Variants in SDF4 observed in about 807,000 individuals in gnomAD.
SDF4 encodes the protein 45 kDa calcium-binding protein.
In SDF4, 22 loss-of-function variants were observed where a neutral mutation model predicts 34.2. The ratio of observed to expected loss-of-function variants is 0.64; its 90% CI spans 0.46 to 0.92. SDF4 has a LOEUF of 0.92. Ranked by LOEUF, SDF4 falls within the 40% of genes least tolerant of loss-of-function variation. The probability of loss-of-function intolerance (pLI) is 0.00; values close to 1 mark genes in which losing one functional copy is unlikely to be tolerated. For synonymous variants in SDF4, 236 were observed against 203.1 expected (o/e 1.16, Z -1.38); for missense variants, 447 against 499.9 (o/e 0.89, Z 1.01).
In SDF4 at chr1:1,218,818, G is replaced by C. The variant is rs747176962; in HGVS notation, c.666C>G (p.His222Gln). The C allele has an allele frequency of 6.2e-7, 1 of 1,605,828 alleles. No individual in the cohort carries two copies. The highest frequency in any genetic ancestry group is 8.5e-7 in the Non-Finnish European group (1 of 1,174,266). The change falls in exon 5 of 7, where the codon CAC (histidine) becomes CAG (glutamine). Residue 222 changes from histidine to glutamine, a missense_variant. Physicochemically the swap from His to Gln is conservative, Grantham distance 24 (BLOSUM62 0). Coordinates refer to ENST00000360001, the MANE Select transcript of SDF4 (RefSeq NM_016176.6). The surrounding 1 kb of genome is among the most constrained non-coding windows in gnomAD (Gnocchi z 7.9). ...CCATGAACCTGAGCATTCCCCGGCT[G>C]TGCTCGGGGTGGAGGAACGACAGGA... ...EEFLSFLHPE[H>Q]SRGMLRFMVK... is the part of the protein sequence containing the mutation.
intron 2 of SDF4, among the ~76,000 whole-genome samples, chr1:1,227,955 C>A (rs1370251940): frequency 2.0e-5 from 3 of 152,204 alleles, no homozygotes; most frequent in South Asian, 2.1e-4. Context: ...CAACCCCACA[C>A]ACCCCCAGCC....
intron 2 of SDF4, among the ~76,000 whole-genome samples, chr1:1,226,658 C>T (rs985539889): frequency 3.3e-5 from 5 of 152,164 alleles, no homozygotes; most frequent in South Asian, 2.1e-4. Flanking sequence ...CGGCCGCTGT[C>T]GCCGCTCGGC....
chr1:1,219,692 A>G, intron 4 of SDF4: 1 of 986,132 alleles, frequency 1.0e-6, no homozygotes, highest in Non-Finnish European at 1.2e-6. Flanking sequence ...GTCCCCACAC[A>G]TCCCAAGGAC....
At chr1:1,222,423 C>T (rs994275603) in intron 4 of SDF4, among the ~76,000 whole-genome samples, 24 of 152,178 alleles carry the variant, frequency 1.6e-4, no homozygotes, top group Admixed American at 9.2e-4. Flanking sequence ...AGCTTGGACC[C>T]GCCCAGGGCT....
rs758805867 is a variant in SDF4 at position 1,217,593 on chromosome 1, G to A, written c.987C>T (p.Pro329=). 114 of 1,613,536 alleles carry A rather than the reference G, an allele frequency of 7.1e-5. No individual in the cohort carries two copies. Among genetic ancestry groups the A allele is most frequent in the South Asian group, 1.5e-4 (14 of 91,088 alleles). Residue 329 remains proline, a synonymous_variant, in exon 7 of 7, where the codon CCC becomes CCT. Transcript: ENST00000360001. The surrounding 1 kb of genome is among the most constrained non-coding windows in gnomAD (Gnocchi z 8.5). ...ACTCGCTGTACTTGAGCACCTCCTC[G>A]GGCTCCAGGTGGTGGTTCTGGTTCT... is the stretch of plus-strand genomic sequence containing the variant. ...ADENQNHHLE[P]EEVLKYSEFF...
In SDF4 at chr1:1,217,482, T is replaced by TGGGGGGCGGCGC. The variant is rs1553149025; in HGVS notation, c.*18_*29dup. On this transcript the variant is annotated 3_prime_UTR_variant, in exon 7 of 7. Coordinates refer to ENST00000360001, the MANE Select transcript of SDF4 (RefSeq NM_016176.6). The surrounding 1 kb of genome is among the most constrained non-coding windows in gnomAD (Gnocchi z 8.5). ...CCCGCGAGGCCGCCCCGGTGGTGCG[T>TGGGGGGCGGCGC]GGGGGGCGGCGCGGGGCGCGGCCGG... The TGGGGGGCGGCGC allele has an allele frequency of 9.5e-6, 14 of 1,471,306 alleles. No homozygotes were observed. The highest frequency in any genetic ancestry group is 3.6e-6 in the Non-Finnish European group (4 of 1,108,514). The allele number at this position is 1,471,306 out of a possible 1,614,324, so 91.1% of individuals were successfully genotyped here. A position where few individuals can be genotyped will look rare whatever the true frequency, so the allele number is the denominator to read the frequency against.
At position 1,220,340 on chromosome 1, in the gene SDF4, C is replaced by T. The variant is rs957322300; in HGVS notation, c.557-1413G>A. The T allele has an allele frequency of 2.1e-5, 23 of 1,105,194 alleles. No individual in the cohort carries two copies. The East Asian group carries it at 4.4e-4, about 21-fold the overall frequency. The allele number at this position is 1,105,194 out of a possible 1,614,324, so 68.5% of individuals were successfully genotyped here. ...GGAAGGGAGTGATGCCCGCCTGCCA[C>T]GCCTTCACCGCGGTCCCCAGAATCA... On this transcript the variant is annotated intron_variant, in intron 4 of 6. Transcript: ENST00000360001.
chr1:1,218,803 G>A lies in SDF4; in HGVS notation c.681C>T (p.Leu227=). ...FLHPEHSRGM[L]RFMVKEIVRD... ...GGACGATCTCCTTCACCATGAACCT[G>A]AGCATTCCCCGGCTGTGCTCGGGGT... The change falls in exon 5 of 7, where the codon CTC becomes CTT. Residue 227 remains leucine (L), a synonymous_variant. Transcript: ENST00000360001. This position sits in a 1 kb window ranked among gnomAD's most constrained non-coding sequence, Gnocchi z 7.9. 6.2e-7 allele frequency: 1 copy of A among 1,610,292 alleles called. No homozygotes were observed. Among genetic ancestry groups the A allele is most frequent in the South Asian group, 1.1e-5 (1 of 90,952 alleles).
chr1:1,229,185 G>A (rs1021168808), intron 1 of SDF4, among the ~76,000 whole-genome samples: 2 of 152,110 alleles, frequency 1.3e-5, no homozygotes, highest in South Asian at 4.1e-4. Flanking sequence ...CGGACCACAC[G>A]TGGTGTTTTT....
intron 1 of SDF4, among the ~76,000 whole-genome samples, chr1:1,229,265 C>T (rs944595223): frequency 2.6e-5 from 4 of 152,210 alleles, no homozygotes; most frequent in African/African-American, 7.2e-5. Flanking sequence ...CACAGCTCAC[C>T]GTGACCACGA....
rs534354895 is a variant in SDF4 at position 1,219,884 on chromosome 1, G to A, written c.557-957C>T. On this transcript the variant is annotated intron_variant, in intron 4 of 6. Transcript: ENST00000360001. ...GCAGCCTCTGCGTCGCGCTCACTGC[G>A]GGATGAGGCCCAGCTGCCGTCCCAT... 227 of 985,702 alleles carry A rather than the reference G, an allele frequency of 2.3e-4. 1 individual carries two copies. The African/African-American group carries it at 2.8e-3, about 12-fold the overall frequency. 61.1% of individuals were successfully genotyped at this position (985,702 alleles called of 1,614,324 possible). A position where few individuals can be genotyped will look rare whatever the true frequency, so the allele number is the denominator to read the frequency against.
In SDF4 at chr1:1,230,483, CAG is replaced by C. The variant is rs550127912; in HGVS notation, c.-175+1407_-175+1408del. Among the ~76,000 whole-genome samples, 44 of 148,960 alleles carry C rather than the reference CAG, an allele frequency of 3.0e-4. 2 individuals carry two copies. The South Asian group carries it at 9.3e-3, about 31-fold the overall frequency. On this transcript the variant is annotated intron_variant, in intron 1 of 6. Coordinates refer to ENST00000360001, the MANE Select transcript of SDF4 (RefSeq NM_016176.6). ...TCTGATTTTTTTTTTTTTTCTGAGA[CAG>C]AGTCTCACTCTGTCGCCCAGGCTGG...
intron 1 of SDF4, among the ~76,000 whole-genome samples, chr1:1,231,630 G>A (rs1230069602): frequency 1.3e-5 from 2 of 152,252 alleles, no homozygotes; most frequent in African/African-American, 2.4e-5. Flanking sequence ...TCCGTTTCCC[G>A]GTGGCATTCG....
rs748130444 is a variant in SDF4 at position 1,217,699 on chromosome 1, G to T, written c.892-11C>A. 5.0e-6 allele frequency: 8 copies of T among 1,613,584 alleles called. No homozygotes were observed. Among genetic ancestry groups the T allele is most frequent in the Non-Finnish European group, 6.8e-6 (8 of 1,179,916 alleles). ...GGGGTCCATGTAGCTCTGCGGGCGA[G>T]CGGGGCACAGGTCAGCGTCGCCTTT... On this transcript the variant is annotated splice_polypyrimidine_tract_variant and intron_variant, in intron 6 of 6. Coordinates refer to ENST00000360001, the MANE Select transcript of SDF4 (RefSeq NM_016176.6). This position sits in a 1 kb window ranked among gnomAD's most constrained non-coding sequence, Gnocchi z 8.5.
chr1:1,217,499 C>T lies in SDF4; in HGVS notation c.*13G>A, dbSNP rs371164888. On this transcript the variant is annotated 3_prime_UTR_variant, in exon 7 of 7. Transcript: ENST00000360001. The surrounding 1 kb of genome is among the most constrained non-coding windows in gnomAD (Gnocchi z 8.5). ...GTGGTGCGTGGGGGGCGGCGCGGGG[C>T]GCGGCCGGGCGCTCAAAACTCCTCG... The T allele has an allele frequency of 2.0e-5, 31 of 1,545,758 alleles. No individual in the cohort carries two copies. In the African/African-American group the frequency reaches 2.2e-4, roughly 11 times the overall value.
Position 1,228,509 on chromosome 1 carries a change from C to T in SDF4, c.264G>A (p.Glu88=), listed in dbSNP as rs745452341. 6.2e-7 allele frequency: 1 copy of T among 1,611,476 alleles called. No homozygotes were observed. Among genetic ancestry groups the T allele is most frequent in the Non-Finnish European group, 8.5e-7 (1 of 1,178,826 alleles). ...TCAGCTTCCTCCGGCTCCGCCGCGG[C>T]TCCGCGTCCTCATCAAAGCCACCCA... is the stretch of plus-strand genomic sequence containing the variant. ...KDLGGFDEDA[E]PRRSRRKLMV... is the part of the protein sequence containing the mutation. The change falls in exon 2 of 7, where the codon GAG becomes GAA. Residue 88 remains glutamate (E), a synonymous_variant. Transcript: ENST00000360001.
intron 1 of SDF4, among the ~76,000 whole-genome samples, chr1:1,231,358 G>C (rs1470294517): frequency 6.6e-6 from 1 of 152,234 alleles, no homozygotes; most frequent in South Asian, 2.1e-4. Flanking sequence ...CCATCCCTGG[G>C]CTTCAGCTCT....
At chr1:1,219,377 C>T (rs1018402726) in intron 4 of SDF4, 1 of 1,051,970 alleles carries the variant, frequency 9.5e-7, no homozygotes, top group Middle Eastern at 4.6e-4. Context: ...CCCCTCATGC[C>T]TGGGACCCCT....
At chr1:1,229,467 C>T (rs911700927) in intron 1 of SDF4, among the ~76,000 whole-genome samples, 14 of 152,374 alleles carry the variant, frequency 9.2e-5, no homozygotes, top group Non-Finnish European at 1.3e-4. Flanking sequence ...TTGCCTCAGT[C>T]TCCCAACGTG....
Sources: gnomAD v4.1 joint callset for allele counts (sites outside exome capture counted in the v4.1 genomes callset) on GRCh38, gnomAD v4.1.1 for gene constraint, Gnocchi (gnomAD v3.1) non-coding constraint, MANE v1.5 for transcripts, NCBI Gene and HGNC (gene_info 2026-07-23, HGNC 2026-07-21) for gene names.